KIF26B: variants seen among roughly 807,000 people sequenced by gnomAD.
The protein encoded by KIF26B is kinesin-like protein KIF26B.
A neutral mutation model predicts 151.2 loss-of-function variants in KIF26B; 63 were observed. The ratio of observed to expected loss-of-function variants is 0.42; its 90% CI spans 0.34 to 0.51. The LOEUF is 0.51. KIF26B is among the 20% of genes least tolerant of loss of function. The probability of loss-of-function intolerance (pLI) is 0.07; values close to 1 mark genes in which losing one functional copy is unlikely to be tolerated. For synonymous variants in KIF26B, 1,357 were observed against 1,262.1 expected, an observed-to-expected ratio of 1.08 and a Z score of -1.59; for missense variants, 2,813 against 2,913.6, an observed-to-expected ratio of 0.97 and a Z score of 0.79.
At chr1:245,454,733 G>GC (rs1659475332) in intron 4 of KIF26B, among the ~76,000 whole-genome samples, 1 of 152,206 alleles carries the variant, frequency 6.6e-6, no homozygotes, top group Non-Finnish European at 1.5e-5. Flanking sequence ...TGGCAGGAGA[G>GC]CCACCAGCAG....
At chr1:245,663,153 G>A (rs940968002) in intron 10 of KIF26B, among the ~76,000 whole-genome samples, 2 of 151,880 alleles carry the variant, frequency 1.3e-5, no homozygotes, top group African/African-American at 2.4e-5. Context: ...GTCCCCTGTC[G>A]TGTTTGGGGG....
intron 5 of KIF26B, among the ~76,000 whole-genome samples, chr1:245,556,924 CA>C (rs1662054193): frequency 6.6e-6 from 1 of 152,280 alleles, no homozygotes; most frequent in African/African-American, 2.4e-5. Context: ...ATTTTCCCAG[CA>C]GCGTGGAACT....
chr1:245,502,458 G>A (rs530994723), intron 4 of KIF26B, among the ~76,000 whole-genome samples: 1 of 151,672 alleles, frequency 6.6e-6, no homozygotes, highest in South Asian at 2.1e-4. Flanking sequence ...ACCCAGGAGG[G>A]GGAGGTTGCA....
At chr1:245,347,838 T>C (rs1672484311) in intron 2 of KIF26B, among the ~76,000 whole-genome samples, 1 of 152,220 alleles carries the variant, frequency 6.6e-6, no homozygotes, top group Non-Finnish European at 1.5e-5. Context: ...AACACGTTCA[T>C]TCATTCTACA....
intron 2 of KIF26B, among the ~76,000 whole-genome samples, chr1:245,228,806 A>C (rs1164886920): frequency 2.6e-5 from 4 of 152,222 alleles, no homozygotes; most frequent in Non-Finnish European, 4.4e-5. Context: ...CTGCACGCCT[A>C]GTAGTGATGG....
intron 2 of KIF26B, among the ~76,000 whole-genome samples, chr1:245,354,478 C>A (rs1212002513): frequency 6.6e-6 from 1 of 152,234 alleles, no homozygotes; most frequent in East Asian, 1.9e-4. Flanking sequence ...TCTTCCACCA[C>A]ACTCTCTCGT....
intron 2 of KIF26B, among the ~76,000 whole-genome samples, chr1:245,354,565 G>C (rs1255645938): frequency 2.6e-5 from 4 of 152,242 alleles, no homozygotes. Context: ...TGGCGGGGGA[G>C]TTGGAGGCTG....
intron 4 of KIF26B, among the ~76,000 whole-genome samples, chr1:245,505,855 A>G (rs1164795156): frequency 6.6e-6 from 1 of 152,116 alleles, no homozygotes; most frequent in Non-Finnish European, 1.5e-5. Context: ...CTTTTTAACC[A>G]TCTCTGCGTT....
At chr1:245,205,414 C>T (rs1669381912) in intron 2 of KIF26B, among the ~76,000 whole-genome samples, 1 of 152,112 alleles carries the variant, frequency 6.6e-6, no homozygotes, top group African/African-American at 2.4e-5. Context: ...AATACTACTG[C>T]CTTATTGAAT....
At position 245,698,318 on chromosome 1, in the gene KIF26B, C is replaced by T; in HGVS notation, c.6027+10C>T. On this transcript the variant is annotated intron_variant, in intron 13 of 14. Coordinates refer to ENST00000407071, the MANE Select transcript of KIF26B (RefSeq NM_018012.4). The surrounding 1 kb of genome is among the most constrained non-coding windows in gnomAD (Gnocchi z 4.0). ...AGGGGGTGCCAGCAAGGTGAGGCAG[C>T]CTCCTTCCCACCCCCTGCCTACGTG... The T allele has an allele frequency of 6.2e-7, 1 of 1,610,214 alleles. No individual in the cohort carries two copies.
At chr1:245,684,483 G>A (rs965972106) in intron 11 of KIF26B, 88 bp downstream of exon 11, 19 of 1,334,324 alleles carry the variant, frequency 1.4e-5, no homozygotes, top group Non-Finnish European at 1.8e-5. Flanking sequence ...CCAAATCAAC[G>A]TTGCCAATCC....
At chr1:245,381,558 GTTC>G (rs199516486) in intron 3 of KIF26B, among the ~76,000 whole-genome samples, 1,983 of 152,208 alleles carry the variant, frequency 0.013, 41 homozygotes, top group African/African-American at 0.045. Context: ...GCCTAAGACA[GTTC>G]TTCTTCTTCC....
chr1:245,490,479 T>C (rs554331194), intron 4 of KIF26B, among the ~76,000 whole-genome samples: 1 of 152,042 alleles, frequency 6.6e-6, no homozygotes, highest in South Asian at 2.1e-4. Flanking sequence ...GTCCAGCTAA[T>C]TTTTTGTATT....
At chr1:245,662,151 A>G (rs571577408) in intron 10 of KIF26B, among the ~76,000 whole-genome samples, 39 of 151,010 alleles carry the variant, frequency 2.6e-4, no homozygotes, top group Non-Finnish European at 4.7e-4. Context: ...CACCCCATAT[A>G]TATATACCCA....
intron 2 of KIF26B, among the ~76,000 whole-genome samples, chr1:245,299,319 GGT>G (rs1491132911): frequency 8.2e-5 from 11 of 134,622 alleles, no homozygotes; most frequent in African/African-American, 2.9e-4. Flanking sequence ...TCCAATTCTG[GGT>G]TTTTTTTTTT....
At chr1:245,189,941 A>G (rs867677266) in intron 2 of KIF26B, among the ~76,000 whole-genome samples, 20 of 152,230 alleles carry the variant, frequency 1.3e-4, no homozygotes, top group Non-Finnish European at 2.2e-4. Flanking sequence ...GAGAACTCCT[A>G]TGAGACCATC....
intron 2 of KIF26B, among the ~76,000 whole-genome samples, chr1:245,267,002 G>A (rs1365639729): frequency 6.6e-6 from 1 of 152,142 alleles, no homozygotes; most frequent in Non-Finnish European, 1.5e-5. Flanking sequence ...ATCCTTTTTA[G>A]TATATGCACT....
intron 4 of KIF26B, among the ~76,000 whole-genome samples, chr1:245,482,384 G>A (rs1449255372): frequency 6.6e-6 from 1 of 151,772 alleles, no homozygotes. Flanking sequence ...CACCATGCCT[G>A]GTCAAGACAC....
intron 2 of KIF26B, among the ~76,000 whole-genome samples, chr1:245,364,256 A>G (rs1482503377): frequency 6.6e-6 from 1 of 152,112 alleles, no homozygotes; most frequent in East Asian, 1.9e-4. Context: ...GGAGAGGAGT[A>G]AAAACAAGGA....
Sources: allele counts gnomAD v4.1 joint callset (sites outside exome capture counted in the v4.1 genomes callset), GRCh38; gene constraint gnomAD v4.1.1; non-coding constraint Gnocchi (gnomAD v3.1); transcripts MANE v1.5; gene names NCBI Gene and HGNC (gene_info 2026-07-23, HGNC 2026-07-21).